BACE1: variants seen among roughly 807,000 people sequenced by gnomAD.
The protein encoded by BACE1 is beta-secretase 1.
Under a neutral mutation model 54.0 loss-of-function variants are expected in BACE1, and 21 were observed. The observed-to-expected ratio is 0.39, with a 90% CI of 0.28 to 0.56. The LOEUF is 0.56. Among genes scored for constraint, BACE1 ranks in the 20% least tolerant of loss-of-function variants. BACE1 has a pLI of 0.63. For synonymous variants in BACE1, 232 were observed against 260.9 expected, an observed-to-expected ratio of 0.89 and a Z score of 1.07; for missense variants, 511 against 661.2, an observed-to-expected ratio of 0.77 and a Z score of 2.49.
chr11:117,296,263 T>A (rs775408950), intron 2 of BACE1, among the ~76,000 whole-genome samples: 24 of 150,938 alleles, frequency 1.6e-4, no homozygotes, highest in Admixed American at 4.0e-4. Flanking sequence ...TCCCCCACTT[T>A]CACCAGTCCT....
At chr11:117,300,221 T>A (rs1385725202) in intron 1 of BACE1, among the ~76,000 whole-genome samples, 1 of 151,690 alleles carries the variant, frequency 6.6e-6, no homozygotes, top group Non-Finnish European at 1.5e-5. Context: ...CCCACCCCAA[T>A]ACTACGATTT....
Position 117,291,038 on chromosome 11 carries a change from G to A in BACE1, c.954C>T (p.Phe318=), listed in dbSNP as rs753302419. ...SIKAASSTEK[F]PDGFWLGEQL... ...GCTCTCCTAGCCAGAAACCATCAGG[G>A]AACTTCTCCGTCTGTGTTGGCAAGA... Residue 318 remains phenylalanine, a synonymous_variant, in exon 7 of 9, where the codon TTC becomes TTT. Transcript: ENST00000313005. 1 of 1,614,064 alleles carries A rather than the reference G, an allele frequency of 6.2e-7. No homozygotes were observed. Among genetic ancestry groups the A allele is most frequent in the East Asian group, 2.2e-5 (1 of 44,878 alleles).
intron 1 of BACE1, among the ~76,000 whole-genome samples, chr11:117,308,842 A>G (rs1291650777): frequency 1.3e-5 from 2 of 152,058 alleles, no homozygotes; most frequent in Non-Finnish European, 2.9e-5. Context: ...AATCCCAGCT[A>G]CTTGAGAAGC....
intron 2 of BACE1, 134 bp downstream of exon 2, chr11:117,296,739 T>C: frequency 1.5e-6 from 1 of 673,638 alleles, no homozygotes; most frequent in South Asian, 2.1e-5. Flanking sequence ...TCACTGTCTT[T>C]TTTTCGCCCT....
Position 117,298,393 on chromosome 11 carries a change from T to TGCTGTCTCTGTTCC in BACE1, c.262-1446_262-1433dup, listed in dbSNP as rs2034650569. ...TCATCTCAGAGCTATGTGGTGTGTGTGCTGTCTCTGTTCCCATGTCTCTCT... is the reference window on the plus strand; with the variant it reads ...TCATCTCAGAGCTATGTGGTGTGTGTGCTGTCTCTGTTCCGCTGTCTCTGTTCCCATGTCTCTCT... On this transcript the variant is annotated intron_variant, in intron 1 of 8. Coordinates refer to ENST00000313005, the MANE Select transcript of BACE1 (RefSeq NM_012104.6). Among the ~76,000 whole-genome samples, 5 of 152,204 alleles carry TGCTGTCTCTGTTCC rather than the reference T, an allele frequency of 3.3e-5. No individual in the cohort carries two copies. In the South Asian group the frequency reaches 1.0e-3, roughly 32 times the overall value.
At position 117,311,941 on chromosome 11, in the gene BACE1, C is replaced by A. The variant is rs117410635; in HGVS notation, c.261+3594G>T. Among the ~76,000 whole-genome samples, 868 of 152,320 alleles carry A rather than the reference C, an allele frequency of 5.7e-3. 9 individuals are homozygous for A. Among genetic ancestry groups the A allele is most frequent in the Non-Finnish European group, 9.0e-3 (611 of 68,030 alleles). On this transcript the variant is annotated intron_variant, in intron 1 of 8. Coordinates refer to ENST00000313005, the MANE Select transcript of BACE1 (RefSeq NM_012104.6). Reference sequence around the variant, plus strand: ...GGCGTGAGCCACCACACACAGCCCCCACTCTTTTTAAAATTCAGATGTCTC... The same window carrying A: ...GGCGTGAGCCACCACACACAGCCCCAACTCTTTTTAAAATTCAGATGTCTC...
At chr11:117,291,547 A>C (rs2034436308) in intron 6 of BACE1, among the ~76,000 whole-genome samples, 165 bp downstream of exon 6, 1 of 152,146 alleles carries the variant, frequency 6.6e-6, no homozygotes, top group South Asian at 2.1e-4. Context: ...AAGTGCTGGG[A>C]TTACAGGCGT....
chr11:117,309,569 C>T (rs2034903415), intron 1 of BACE1, among the ~76,000 whole-genome samples: 1 of 152,180 alleles, frequency 6.6e-6, no homozygotes, highest in Non-Finnish European at 1.5e-5. Flanking sequence ...AAAAACAAAA[C>T]AAAACCCTCC....
In BACE1 at chr11:117,295,632, A is replaced by T. The variant is rs920729615; in HGVS notation, c.351-285T>A. On this transcript the variant is annotated intron_variant, in intron 2 of 8. Coordinates refer to ENST00000313005, the MANE Select transcript of BACE1 (RefSeq NM_012104.6). ...TGAAGAACAAGCCTGGGCTTTGTGC[A>T]TTGTGCCTGCTGCTGCTGCTGCTGC... The T allele has an allele frequency of 1.2e-5, 19 of 1,530,800 alleles. No individual in the cohort carries two copies. In the African/African-American group the frequency reaches 2.6e-4, roughly 21 times the overall value. The allele number at this position is 1,530,800 out of a possible 1,614,324, so 94.8% of individuals were successfully genotyped here.
Position 117,290,598 on chromosome 11 carries a change from A to G in BACE1, c.1154T>C (p.Ile385Thr). ...TSQDDCYKFA[I>T]SQSSTGTVMG... is the part of the protein sequence containing the mutation. ...AACAGTGCCCGTGGATGACTGTGAG[A>G]TGGCAAACTTGTAACAGTCGTCTTG... Residue 385 changes from isoleucine to threonine, a missense_variant, in exon 8 of 9, where the codon ATC becomes ACC. Ile to Thr is a moderately conservative substitution (Grantham distance 89). Transcript: ENST00000313005. The G allele has an allele frequency of 6.2e-7, 1 of 1,614,216 alleles. No individual in the cohort carries two copies. Among genetic ancestry groups the G allele is most frequent in the Non-Finnish European group, 8.5e-7 (1 of 1,180,038 alleles).
At chr11:117,294,046 G>C in intron 3 of BACE1, 38 bp from the exon 4 acceptor site, 1 of 1,592,340 alleles carries the variant, frequency 6.3e-7, no homozygotes, top group Non-Finnish European at 8.6e-7. Context: ...TCCTCATACG[G>C]CCCTAAAGGC....
intron 1 of BACE1, among the ~76,000 whole-genome samples, chr11:117,314,154 G>A (rs1272188490): frequency 6.6e-6 from 1 of 152,198 alleles, no homozygotes; most frequent in Non-Finnish European, 1.5e-5. Flanking sequence ...GCAGAAACAG[G>A]AGTAGGTCCC....
At chr11:117,301,015 C>T (rs1035314711) in intron 1 of BACE1, among the ~76,000 whole-genome samples, 2 of 152,168 alleles carry the variant, frequency 1.3e-5, no homozygotes, top group Admixed American at 6.5e-5. Flanking sequence ...AACTGGGTTT[C>T]GCCTCCATTC....
At chr11:117,312,382 G>A (rs2034965146) in intron 1 of BACE1, among the ~76,000 whole-genome samples, 1 of 152,178 alleles carries the variant, frequency 6.6e-6, no homozygotes, top group African/African-American at 2.4e-5. Flanking sequence ...ACATGTCCCT[G>A]GTGCGGCTTT....
At chr11:117,307,726 C>T (rs2034861407) in intron 1 of BACE1, among the ~76,000 whole-genome samples, 1 of 152,106 alleles carries the variant, frequency 6.6e-6, no homozygotes, top group Non-Finnish European at 1.5e-5. Context: ...TTTCTCAATG[C>T]CCCCTCACTC....
intron 1 of BACE1, among the ~76,000 whole-genome samples, chr11:117,301,749 T>C (rs1378936001): frequency 6.6e-6 from 1 of 152,212 alleles, no homozygotes; most frequent in African/African-American, 2.4e-5. Flanking sequence ...GTATCAGACA[T>C]ATCCTAACAC....
intron 1 of BACE1, among the ~76,000 whole-genome samples, chr11:117,302,128 G>A (rs1048074294): frequency 1.3e-5 from 2 of 152,132 alleles, no homozygotes; most frequent in African/African-American, 4.8e-5. Flanking sequence ...GAGGTCAGGA[G>A]TTCCAGACCA....
At chr11:117,293,000 C>A in intron 5 of BACE1, 54 bp downstream of exon 5, 1 of 1,591,574 alleles carries the variant, frequency 6.3e-7, no homozygotes, top group South Asian at 1.1e-5. Context: ...AGTCTTCCTT[C>A]ACATTGTACT....
At chr11:117,292,878 A>G in intron 5 of BACE1, 176 bp downstream of exon 5, 1 of 695,760 alleles carries the variant, frequency 1.4e-6, no homozygotes, top group Non-Finnish European at 2.3e-6. Flanking sequence ...CTAGGCCCCA[A>G]ACCGCAGATC....
Sources: allele counts gnomAD v4.1 joint callset (sites outside exome capture counted in the v4.1 genomes callset), GRCh38; gene constraint gnomAD v4.1.1; transcripts MANE v1.5; gene names NCBI Gene and HGNC (gene_info 2026-07-23, HGNC 2026-07-21).